CCNH: variants seen among roughly 807,000 people sequenced by gnomAD.
CCNH encodes the protein cyclin-H.
CCNH carries 31 observed loss-of-function variants against 41.9 expected under a neutral mutation model. The observed-to-expected ratio is 0.74, with a 90% CI of 0.56 to 1.00. The LOEUF is 1.00. CCNH is among the 50% of genes least tolerant of loss of function. The probability of loss-of-function intolerance (pLI) is 0.00; values close to 1 mark genes in which losing one functional copy is unlikely to be tolerated. For missense variants in CCNH, 362 were observed against 388.4 expected (o/e 0.93, Z 0.57); for synonymous variants, 138 against 136.1 (o/e 1.01, Z -0.10).
At chr5:87,411,144 G>T in intron 2 of CCNH, 80 bp downstream of exon 2, 2 of 1,398,596 alleles carry the variant, frequency 1.4e-6, no homozygotes, top group Non-Finnish European at 1.9e-6. Context: ...TTTAAGACTT[G>T]AGTGGACAGG....
rs1283311173 is a variant in CCNH, at chr5:87,412,699, G to A, written c.96C>T (p.Cys32=). The change falls in exon 1 of 9, where the codon TGC becomes TGT. Residue 32 remains cysteine, a synonymous_variant. Coordinates refer to ENST00000256897, the MANE Select transcript of CCNH (RefSeq NM_001239.4). ...LRADANRKFR[C]KAVANGKVLP... ...TCACCTTCCCGTTGGCCACGGCTTTGCATCTGAATTTGCGGTTGGCGTCAG... is the reference window on the plus strand; with the variant it reads ...TCACCTTCCCGTTGGCCACGGCTTTACATCTGAATTTGCGGTTGGCGTCAG... 1.2e-6 allele frequency: 2 copies of A among 1,614,140 alleles called. No homozygotes were observed. The highest frequency in any genetic ancestry group is 4.5e-5 in the East Asian group (2 of 44,882).
chr5:87,395,074 A>G lies in CCNH; in HGVS notation c.903T>C (p.Asp301=), dbSNP rs143777163. The change falls in exon 8 of 9, where the codon GAT becomes GAC. Residue 301 remains aspartate, a synonymous_variant. Transcript: ENST00000256897. ...TKKRKGYEDD[D]YVSKKSKHEE... ...CATGTTTGGATTTCTTTGAGACGTA[A>G]TCATCATCTTCATAGCCTTTCCTCT... 6.2e-7 allele frequency: 1 copy of G among 1,611,834 alleles called. No homozygotes were observed. The highest frequency in any genetic ancestry group is 8.5e-7 in the Non-Finnish European group (1 of 1,178,276).
At chr5:87,352,576 T>C (rs1759353439) in intron 9 of CCNH, among the ~76,000 whole-genome samples, 1 of 151,852 alleles carries the variant, frequency 6.6e-6, no homozygotes, top group African/African-American at 2.4e-5. Flanking sequence ...TTTCCCAATA[T>C]TTCCCAATTT....
chr5:87,321,773 T>G (rs1756829925), intron 9 of CCNH, among the ~76,000 whole-genome samples: 1 of 152,182 alleles, frequency 6.6e-6, no homozygotes, highest in Admixed American at 6.5e-5. Flanking sequence ...AGGCCAGTCC[T>G]TTTGGTTTTT....
At chr5:87,392,023 C>G (rs570037734), downstream of CCNH, 128 of 307,056 alleles carry the variant, frequency 4.2e-4, no homozygotes, top group African/African-American at 2.7e-3. Context: ...CAGGGAGAAG[C>G]TGAAGCTTTA....
At chr5:87,390,002 C>T (rs980126479), downstream of CCNH, among the ~76,000 whole-genome samples, 3 of 152,238 alleles carry the variant, frequency 2.0e-5, no homozygotes, top group Non-Finnish European at 4.4e-5. Context: ...GTCTAACAAA[C>T]TCTTAGAGGA....
rs1764391603 is a variant in CCNH, at chr5:87,412,919, C to T, written c.-125G>A. 2.7e-6 allele frequency: 4 copies of T among 1,463,608 alleles called. No individual in the cohort carries two copies. In the Admixed American group the frequency reaches 9.7e-5, roughly 35 times the overall value. 90.7% of individuals were successfully genotyped at this position (1,463,608 alleles called of 1,614,324 possible). A position where few individuals can be genotyped will look rare whatever the true frequency, so the allele number is the denominator to read the frequency against. On this transcript the variant is annotated 5_prime_UTR_variant, in exon 1 of 9. Transcript: ENST00000256897. ...AAGCCTAGGGCGTCCGGCTAGCCGG[C>T]GCTGGCGCGCTGTCGTCACGATTAC...
At chr5:87,394,752 G>C (rs1480111696) in intron 8 of CCNH, 27 of 1,332,076 alleles carry the variant, frequency 2.0e-5, no homozygotes, top group Non-Finnish European at 2.6e-5. Flanking sequence ...TTTTTAAAAG[G>C]GGGTAAGGGA....
chr5:87,374,275 C>G, downstream of CCNH: 1 of 1,604,210 alleles, frequency 6.2e-7, no homozygotes, highest in Non-Finnish European at 8.5e-7. Flanking sequence ...AAAACTCATG[C>G]AAGGGAAGGG....
chr5:87,317,868 T>C (rs751166588), downstream of CCNH, among the ~76,000 whole-genome samples: 18 of 152,128 alleles, frequency 1.2e-4, no homozygotes, highest in Non-Finnish European at 2.5e-4. Context: ...ACTCATGAGC[T>C]CAAGCAATCC....
downstream of CCNH, chr5:87,374,136 T>C (rs1478425280): frequency 1.1e-5 from 15 of 1,344,714 alleles, 1 homozygote; most frequent in Non-Finnish European, 1.5e-5. Context: ...TGGGGTAATA[T>C]ATATATATAT....
chr5:87,365,929 G>A (rs1356939288), intron 9 of CCNH, among the ~76,000 whole-genome samples: 2 of 152,032 alleles, frequency 1.3e-5, no homozygotes, highest in Non-Finnish European at 2.9e-5. Flanking sequence ...ATAATGAAAT[G>A]GAGGCTGTAA....
intron 4 of CCNH, among the ~76,000 whole-genome samples, chr5:87,406,706 G>T (rs1763817066): frequency 6.6e-6 from 1 of 151,754 alleles, no homozygotes; most frequent in South Asian, 2.1e-4. Flanking sequence ...TACTCATCCT[G>T]TATCTCTGAA....
chr5:87,398,774 C>A (rs938873821), intron 7 of CCNH, among the ~76,000 whole-genome samples: 2 of 151,970 alleles, frequency 1.3e-5, no homozygotes, highest in African/African-American at 4.8e-5. Flanking sequence ...GAGATTGAGA[C>A]CATCCTGGCT....
At chr5:87,349,088 A>C in intron 9 of CCNH, 2 of 1,210,686 alleles carry the variant, frequency 1.7e-6, no homozygotes, top group Admixed American at 2.4e-5. Context: ...TCTTAAAAAA[A>C]AAACAAGTTC....
intron 7 of CCNH, among the ~76,000 whole-genome samples, chr5:87,395,447 C>A (rs149437440): frequency 6.6e-6 from 1 of 151,898 alleles, no homozygotes; most frequent in Non-Finnish European, 1.5e-5. Context: ...ACAAAAGCTA[C>A]GGTAATTAAA....
intron 9 of CCNH, chr5:87,338,167 A>G: frequency 6.3e-7 from 1 of 1,592,346 alleles, no homozygotes; most frequent in Non-Finnish European, 8.6e-7. Flanking sequence ...TAATCAGAGA[A>G]AGTAGCTATG....
At chr5:87,361,916 A>T (rs972708316) in intron 9 of CCNH, among the ~76,000 whole-genome samples, 2 of 152,164 alleles carry the variant, frequency 1.3e-5, no homozygotes, top group African/African-American at 4.8e-5. Context: ...GGTACATTAC[A>T]TGAGGAAATG....
At chr5:87,311,631 A>AT in the CCNH span, among the ~76,000 whole-genome samples, 1 of 152,234 alleles carries the variant, frequency 6.6e-6, no homozygotes, top group East Asian at 1.9e-4. Context: ...TGCCGCTCAC[A>AT]GCAGCAGTAT....
Sources: gnomAD v4.1 joint callset for allele counts (sites outside exome capture counted in the v4.1 genomes callset) on GRCh38, gnomAD v4.1.1 for gene constraint, MANE v1.5 for transcripts, NCBI Gene and HGNC (gene_info 2026-07-23, HGNC 2026-07-21) for gene names.